LTBP1: variants seen among roughly 807,000 people sequenced by gnomAD.
The protein encoded by LTBP1 is latent-transforming growth factor beta-binding protein 1.
In LTBP1, 129 loss-of-function variants were observed where a neutral mutation model predicts 207.6. That is an observed-to-expected ratio of 0.62 (90% CI 0.54 to 0.72). LTBP1 has a LOEUF of 0.72. Among genes scored for constraint, LTBP1 ranks in the 30% least tolerant of loss-of-function variants. LTBP1 has a pLI of 0.00. For synonymous variants in LTBP1, 963 were observed against 833.7 expected (o/e 1.16, Z -2.67); for missense variants, 2,281 against 2,217.2 (o/e 1.03, Z -0.58).
At chr2:32,975,134 A>T (rs1301542969) in intron 2 of LTBP1, among the ~76,000 whole-genome samples, 2 of 152,160 alleles carry the variant, frequency 1.3e-5, no homozygotes, top group Admixed American at 6.5e-5. Flanking sequence ...TTTGCGTATG[A>T]TGCATAGTTT....
chr2:32,951,552 CG>C (rs908588530), intron 2 of LTBP1, among the ~76,000 whole-genome samples: 4 of 152,164 alleles, frequency 2.6e-5, no homozygotes, highest in African/African-American at 9.7e-5. Context: ...GAAAGACCCC[CG>C]GCTTTGGGGT....
chr2:33,002,206 T>G (rs1018332798), intron 2 of LTBP1, among the ~76,000 whole-genome samples: 2 of 79,366 alleles, frequency 2.5e-5, no homozygotes, highest in African/African-American at 7.4e-5. Context: ...TTCAGCTCTG[T>G]GGTGGAAAAT....
At chr2:33,271,656 A>C (rs945452827) in intron 15 of LTBP1, among the ~76,000 whole-genome samples, 1 of 152,194 alleles carries the variant, frequency 6.6e-6, no homozygotes, top group Non-Finnish European at 1.5e-5. Flanking sequence ...AGTACCAAAA[A>C]AAATGAAGAA....
intron 3 of LTBP1, among the ~76,000 whole-genome samples, chr2:33,101,424 A>G (rs2079733559): frequency 6.6e-6 from 1 of 152,172 alleles, no homozygotes; most frequent in Non-Finnish European, 1.5e-5. Flanking sequence ...AATATCAGGT[A>G]TTGTGCTAGA....
At chr2:33,073,307 C>T (rs1317830508) in intron 3 of LTBP1, among the ~76,000 whole-genome samples, 3 of 150,174 alleles carry the variant, frequency 2.0e-5, no homozygotes, top group East Asian at 3.9e-4. Context: ...TTTATTTTAC[C>T]ATGTACATAT....
intron 32 of LTBP1, among the ~76,000 whole-genome samples, chr2:33,392,070 C>A (rs1171994587): frequency 6.6e-6 from 1 of 152,174 alleles, no homozygotes. Context: ...GGTTTCTTAT[C>A]GCCTTTATGG....
chr2:33,041,377 T>G (rs1167796188), intron 3 of LTBP1, among the ~76,000 whole-genome samples: 14 of 152,110 alleles, frequency 9.2e-5, no homozygotes, highest in Admixed American at 7.9e-4. Context: ...CTCCGCCGCC[T>G]GGGTTCAAGC....
At chr2:33,180,795 T>C (rs4670822) in intron 5 of LTBP1, among the ~76,000 whole-genome samples, 78,692 of 151,898 alleles carry the variant, frequency 0.52, 20,608 homozygotes, top group African/African-American at 0.53. Context: ...TGGTTTGCTG[T>C]AGCATGTAAT....
chr2:33,282,762 G>A (rs886415215), intron 19 of LTBP1, among the ~76,000 whole-genome samples: 7 of 152,116 alleles, frequency 4.6e-5, no homozygotes, highest in Admixed American at 6.5e-5. Flanking sequence ...AGAACACTGG[G>A]GATTGAGAGT....
At chr2:33,211,436 T>C (rs920805364) in intron 7 of LTBP1, among the ~76,000 whole-genome samples, 1 of 152,088 alleles carries the variant, frequency 6.6e-6, no homozygotes, top group Non-Finnish European at 1.5e-5. Flanking sequence ...GTTGATGGAG[T>C]CCCAGTATCT....
intron 26 of LTBP1, among the ~76,000 whole-genome samples, chr2:33,348,139 G>C (rs574367479): frequency 6.6e-6 from 1 of 152,164 alleles, no homozygotes; most frequent in Non-Finnish European, 1.5e-5. Flanking sequence ...GCTATAGCTT[G>C]GTTGTATTTT....
Position 33,134,955 on chromosome 2 carries a change from G to A in LTBP1, c.1196G>A (p.Arg399Gln). The A allele has an allele frequency of 1.2e-6, 2 of 1,609,626 alleles. No homozygotes were observed. The highest frequency in any genetic ancestry group is 1.1e-5 in the South Asian group (1 of 90,406). The stretch of plus-strand genomic sequence containing the variant: ...GACACCCTGACGGCCACGAACTTCC[G>A]AGTGGGTGAGTTCCTCCACGGTCCC... ...AADTLTATNFRVVICHLPCMN... is the reference protein window; with the variant it reads ...AADTLTATNFQVVICHLPCMN... The change falls in exon 5 of 34, where the codon CGA (arginine) becomes CAA (glutamine). Residue 399 changes from arginine (R) to glutamine (Q), a missense_variant. This residue lies in a region of LTBP1 where 55 missense variants were observed against 91.5 expected (regional missense o/e 0.60). Transcript: ENST00000404816. This position sits in a 1 kb window ranked among gnomAD's most constrained non-coding sequence, Gnocchi z 4.4.
At chr2:33,092,807 C>G (rs2079172909) in intron 3 of LTBP1, among the ~76,000 whole-genome samples, 1 of 152,190 alleles carries the variant, frequency 6.6e-6, no homozygotes, top group East Asian at 1.9e-4. Flanking sequence ...GTCCCCATTT[C>G]CATGACCCTA....
chr2:33,124,396 C>A (rs1250917522), intron 4 of LTBP1, among the ~76,000 whole-genome samples: 2 of 151,390 alleles, frequency 1.3e-5, no homozygotes, highest in Non-Finnish European at 2.9e-5. Flanking sequence ...GGTGATAGAA[C>A]AAGACTCCGT....
intron 24 of LTBP1, among the ~76,000 whole-genome samples, chr2:33,341,545 A>C (rs2094620718): frequency 1.3e-5 from 2 of 151,640 alleles, no homozygotes; most frequent in Admixed American, 1.3e-4. Flanking sequence ...CACCGTCTCT[A>C]CTAAAAATAC....
chr2:33,365,410 C>G lies in LTBP1; in HGVS notation c.4618C>G (p.Leu1540Val). The change falls in exon 31 of 34, where the codon CTT (leucine) becomes GTT (valine). Residue 1540 changes from leucine to valine, a missense_variant. This residue lies in a region of LTBP1 where 1,671 missense variants were observed against 1,634.8 expected (regional missense o/e 1.02). Coordinates refer to ENST00000404816, the MANE Select transcript of LTBP1 (RefSeq NM_206943.4). ...TGATGAATACGTGTGTAGCCGGCCT[C>G]TTGTGGGCAAGCAGACAACGTACAC... ...LSDEYVCSRP[L>V]VGKQTTYTEC... 6.2e-7 allele frequency: 1 copy of G among 1,614,182 alleles called. No homozygotes were observed. The highest frequency in any genetic ancestry group is 1.1e-5 in the South Asian group (1 of 91,078).
At chr2:33,301,782 C>T (rs73925010) in intron 22 of LTBP1, 138 bp downstream of exon 22, 9,773 of 679,320 alleles carry the variant, frequency 0.014, 585 homozygotes, top group African/African-American at 0.14. Context: ...GTGTCTTCCC[C>T]GGGGTCACAC....
chr2:33,107,149 A>G (rs1422963931), intron 3 of LTBP1, among the ~76,000 whole-genome samples: 1 of 152,264 alleles, frequency 6.6e-6, no homozygotes, highest in African/African-American at 2.4e-5. Flanking sequence ...ATAGCTTAGA[A>G]GAGAACACGT....
chr2:33,381,154 G>T (rs926140414), intron 31 of LTBP1, among the ~76,000 whole-genome samples: 1 of 152,116 alleles, frequency 6.6e-6, no homozygotes, highest in African/African-American at 2.4e-5. Flanking sequence ...CTATGAAATT[G>T]CTTGGATGTA....
Sources: allele counts gnomAD v4.1 joint callset (sites outside exome capture counted in the v4.1 genomes callset), GRCh38; gene constraint gnomAD v4.1.1; regional missense constraint gnomAD v4.1.1; non-coding constraint Gnocchi (gnomAD v3.1); transcripts MANE v1.5; gene names NCBI Gene and HGNC (gene_info 2026-07-23, HGNC 2026-07-21).